The following CIB3 variants were observed in gnomAD, a reference collection of about 807,000 sequenced individuals.
CIB3 encodes the protein calcium and integrin-binding family member 3.
A neutral mutation model predicts 23.4 loss-of-function variants in CIB3; 22 were observed. The ratio of observed to expected loss-of-function variants is 0.94; its 90% confidence interval spans 0.67 to 1.34. The LOEUF (loss-of-function observed/expected upper bound fraction) is 1.34. Ranked by LOEUF, CIB3 falls within the 40% of genes most tolerant of loss-of-function variation. The pLI is 0.00. For missense variants in CIB3, 258 were observed against 247.3 expected, an observed-to-expected ratio of 1.04 and a Z score of -0.29; for synonymous variants, 93 against 95.8, an observed-to-expected ratio of 0.97 and a Z score of 0.17.
At chr19:16,161,998 T>C (rs1011933677) in intron 5 of CIB3, among the ~76,000 whole-genome samples, 3 of 151,764 alleles carry the variant, frequency 2.0e-5, no homozygotes, top group African/African-American at 4.8e-5. Flanking sequence ...TGATATAAAG[T>C]TTCAAATAGC....
intron 5 of CIB3, among the ~76,000 whole-genome samples, chr19:16,162,434 C>T (rs2091288377): frequency 6.7e-6 from 1 of 149,526 alleles, no homozygotes. Flanking sequence ...TCAACATTTT[C>T]AGCACTGCCT....
intron 2 of CIB3, among the ~76,000 whole-genome samples, 196 bp downstream of exon 2, chr19:16,172,962 AAAAG>A (rs909588073): frequency 8.3e-6 from 1 of 120,838 alleles, no homozygotes; most frequent in African/African-American, 2.6e-5. Context: ...AAAAAAAAAG[AAAAG>A]AAGGAAGGAA....
At chr19:16,170,949 T>C (rs1227259526) in intron 2 of CIB3, among the ~76,000 whole-genome samples, 1 of 151,782 alleles carries the variant, frequency 6.6e-6, no homozygotes, top group Admixed American at 6.6e-5. Context: ...CCATCCTGGC[T>C]AACATGGTGA....
chr19:16,173,491 C>T lies in CIB3; in HGVS notation c.-16G>A. On this transcript the variant is annotated 5_prime_UTR_variant, in exon 1 of 6. Coordinates refer to ENST00000269878, the MANE Select transcript of CIB3 (RefSeq NM_054113.4). ...TGTTGCCCATGGTGTGAACCACAGCCCAGACTTGGGGATGCACCCCAAAGG... is the reference window on the plus strand; with the variant it reads ...TGTTGCCCATGGTGTGAACCACAGCTCAGACTTGGGGATGCACCCCAAAGG... 6.2e-7 allele frequency: 1 copy of T among 1,613,538 alleles called. No homozygotes were observed. The highest frequency in any genetic ancestry group is 8.5e-7 in the Non-Finnish European group (1 of 1,179,528).
intron 3 of CIB3, among the ~76,000 whole-genome samples, chr19:16,168,738 C>A (rs1325360676): frequency 2.0e-5 from 3 of 152,126 alleles, no homozygotes; most frequent in Non-Finnish European, 2.9e-5. Flanking sequence ...AGACTGAAAC[C>A]TCTTCCTGGG....
chr19:16,171,028 C>T (rs1487488997), intron 2 of CIB3, among the ~76,000 whole-genome samples: 1 of 151,686 alleles, frequency 6.6e-6, no homozygotes, highest in Non-Finnish European at 1.5e-5. Context: ...GTCCCAGCTA[C>T]TCCGGAGGCT....
intron 5 of CIB3, among the ~76,000 whole-genome samples, chr19:16,162,642 T>A (rs1245882399): frequency 1.3e-5 from 2 of 151,382 alleles, no homozygotes; most frequent in East Asian, 3.9e-4. Flanking sequence ...TAATTCCAGA[T>A]ACTCGGGAGG....
rs143272165 is a variant in CIB3, at chr19:16,168,129, G to A, written c.346+8C>T. The stretch of plus-strand genomic sequence containing the variant: ...CCATGCTTCCCAACCCCAGGGCCAC[G>A]CACGCACCATAAATTTTAAAAGCAT... On this transcript the variant is annotated splice_region_variant and intron_variant, in intron 4 of 5. Coordinates refer to ENST00000269878, the MANE Select transcript of CIB3 (RefSeq NM_054113.4). The A allele has an allele frequency of 9.2e-4, 1,269 of 1,386,118 alleles. 28 individuals carry two copies. In the East Asian group the frequency reaches 0.033, roughly 36 times the overall value. The allele number at this position is 1,386,118 out of a possible 1,614,324, so 85.9% of individuals were successfully genotyped here.
intron 4 of CIB3, 88 bp from the exon 5 acceptor site, chr19:16,165,001 G>A: frequency 8.3e-7 from 1 of 1,211,214 alleles, no homozygotes. Context: ...GTTACAAGAA[G>A]GGGAAACTAA....
intron 3 of CIB3, among the ~76,000 whole-genome samples, chr19:16,168,488 G>A (rs916349781): frequency 6.6e-6 from 1 of 152,146 alleles, no homozygotes; most frequent in African/African-American, 2.4e-5. Context: ...CCAACTTCCA[G>A]CTCTTGGAGC....
rs368342429 is a variant in CIB3 at position 16,163,732 on chromosome 19, A to G, written c.542+986T>C. ...CCAGGAGCTGTGCTGAATTTTCTCCATATATTAATTTGGGGTTCAGCAAAC... is the reference window on the plus strand; with the variant it reads ...CCAGGAGCTGTGCTGAATTTTCTCCGTATATTAATTTGGGGTTCAGCAAAC... On this transcript the variant is annotated intron_variant, in intron 5 of 5. Transcript: ENST00000269878. Among the ~76,000 whole-genome samples, 20 of 152,282 alleles carry G rather than the reference A, an allele frequency of 1.3e-4. No homozygotes were observed. In the East Asian group the frequency reaches 2.9e-3, roughly 22 times the overall value.
At chr19:16,171,887 C>T (rs538620855) in intron 2 of CIB3, among the ~76,000 whole-genome samples, 10 of 152,342 alleles carry the variant, frequency 6.6e-5, no homozygotes, top group African/African-American at 1.7e-4. Flanking sequence ...GCCTTGGCCC[C>T]GATCACACTG....
intron 4 of CIB3, among the ~76,000 whole-genome samples, chr19:16,167,107 G>C (rs915998568): frequency 1.3e-4 from 20 of 152,098 alleles, no homozygotes; most frequent in African/African-American, 4.3e-4. Flanking sequence ...ATCAATCTCA[G>C]CTACTCAGCA....
At chr19:16,162,566 AC>A (rs1226514733) in intron 5 of CIB3, among the ~76,000 whole-genome samples, 1 of 152,196 alleles carries the variant, frequency 6.6e-6, no homozygotes, top group East Asian at 1.9e-4. Context: ...AGCCTGGCCA[AC>A]ATGGCGAAAC....
Position 16,164,885 on chromosome 19 carries a change from C to A in CIB3, c.375G>T (p.Ala125=). 2 of 1,614,092 alleles carry A rather than the reference C, an allele frequency of 1.2e-6. No homozygotes were observed. The highest frequency in any genetic ancestry group is 1.7e-6 in the Non-Finnish European group (2 of 1,180,020). The stretch of plus-strand genomic sequence containing the variant: ...TGGTCACCGTCTGCTCCAGGTCCCA[C>A]GCACAAATGTAGTCGTCGTTGTTAA... ...YDFNNDDYIC[A]WDLEQTVTKL... The change falls in exon 5 of 6, where the codon GCG becomes GCT. Residue 125 remains alanine (A), a synonymous_variant. Coordinates refer to ENST00000269878, the MANE Select transcript of CIB3 (RefSeq NM_054113.4).
intron 4 of CIB3, among the ~76,000 whole-genome samples, chr19:16,167,606 C>T (rs1461861747): frequency 6.6e-6 from 1 of 151,544 alleles, no homozygotes. Flanking sequence ...CCGAGGCGGG[C>T]GGATCACCCG....
At chr19:16,172,053 C>G (rs2091330439) in intron 2 of CIB3, among the ~76,000 whole-genome samples, 1 of 152,240 alleles carries the variant, frequency 6.6e-6, no homozygotes, top group Admixed American at 6.5e-5. Flanking sequence ...TGGGCCACCT[C>G]CTCACACCCT....
At chr19:16,172,343 T>C (rs1283065930) in intron 2 of CIB3, among the ~76,000 whole-genome samples, 2 of 152,100 alleles carry the variant, frequency 1.3e-5, no homozygotes, top group Non-Finnish European at 2.9e-5. Flanking sequence ...TTAGCAGAGA[T>C]GGGGTTTCAC....
At chr19:16,169,907 C>T (rs2091321183) in intron 2 of CIB3, among the ~76,000 whole-genome samples, 166 bp from the exon 3 acceptor site, 1 of 152,188 alleles carries the variant, frequency 6.6e-6, no homozygotes. Flanking sequence ...TCAAGCAATT[C>T]TCCTGCCTCA....
Sources: gnomAD v4.1 joint callset for allele counts (sites outside exome capture counted in the v4.1 genomes callset) on GRCh38, gnomAD v4.1.1 for gene constraint, MANE v1.5 for transcripts, NCBI Gene and HGNC (gene_info 2026-07-23, HGNC 2026-07-21) for gene names.